Variants in PDE10A observed in about 807,000 individuals in gnomAD.
PDE10A encodes the protein phosphodiesterase 10A, also known as cAMP and cAMP-inhibited cGMP 3',5'-cyclic phosphodiesterase 10A.
Under a neutral mutation model 97.7 loss-of-function variants are expected in PDE10A, and 39 were observed. The observed-to-expected ratio is 0.40, with a 90% confidence interval of 0.31 to 0.52. PDE10A has a LOEUF of 0.52. PDE10A is among the 20% of genes least tolerant of loss of function. The probability of loss-of-function intolerance (pLI) is 0.56; values close to 1 mark genes in which losing one functional copy is unlikely to be tolerated. For synonymous variants in PDE10A, 371 were observed against 376.8 expected (o/e 0.98, Z 0.18); for missense variants, 731 against 1,047.8 (o/e 0.70, Z 4.17).
intron 1 of PDE10A, among the ~76,000 whole-genome samples, chr6:165,809,545 C>T (rs957911189): frequency 6.6e-6 from 1 of 152,166 alleles, no homozygotes; most frequent in African/African-American, 2.4e-5. Flanking sequence ...GCAAGGATGG[C>T]TTGATTGCCA....
At chr6:165,367,805 A>AAAAC (rs1554247641) in intron 18 of PDE10A, among the ~76,000 whole-genome samples, 28 of 151,562 alleles carry the variant, frequency 1.8e-4, no homozygotes, top group Admixed American at 1.8e-3. Context: ...AGATTAAAAA[A>AAAAC]AAACAAAAAC....
At chr6:165,834,266 A>C (rs1278870579) in intron 1 of PDE10A, among the ~76,000 whole-genome samples, 1 of 152,156 alleles carries the variant, frequency 6.6e-6, no homozygotes, top group African/African-American at 2.4e-5. Context: ...TGCTGGGTAG[A>C]CTAACAATCA....
chr6:165,372,904 G>C lies in PDE10A; in HGVS notation c.2783+6290C>G, dbSNP rs192811648. ...AGAAACAGATCAGTGGAACAGAAGA[G>C]AGCCCTCAGAAATAACGCTGCATAT... On this transcript the variant is annotated intron_variant, in intron 18 of 21. Transcript: ENST00000539869. Among the ~76,000 whole-genome samples, 953 of 152,014 alleles carry C rather than the reference G, an allele frequency of 6.3e-3. 9 individuals are homozygous for C. Among genetic ancestry groups the C allele is most frequent in the African/African-American group, 0.022 (912 of 41,402 alleles).
intron 1 of PDE10A, among the ~76,000 whole-genome samples, chr6:165,619,234 CTAGTGTGGTGT>C (rs1562634170): frequency 6.8e-5 from 6 of 88,632 alleles, no homozygotes; most frequent in African/African-American, 2.3e-4. Flanking sequence ...GTAGTGTAGA[CTAGTGTGGTGT>C]AGTGTAGTCT....
At chr6:165,474,535 C>T (rs907965188) in intron 3 of PDE10A, among the ~76,000 whole-genome samples, 4 of 152,114 alleles carry the variant, frequency 2.6e-5, no homozygotes, top group East Asian at 3.9e-4. Flanking sequence ...TAACTACCAT[C>T]GAGTATTATG....
chr6:165,943,268 AAGG>A (rs1783626927), intron 1 of PDE10A, among the ~76,000 whole-genome samples: 1 of 125,500 alleles, frequency 8.0e-6, no homozygotes, highest in Non-Finnish European at 1.7e-5. Flanking sequence ...GGAAGGAAGG[AAGG>A]AAGGAAAGAA....
intron 1 of PDE10A, among the ~76,000 whole-genome samples, chr6:165,616,095 T>C (rs1236676850): frequency 6.6e-6 from 1 of 152,172 alleles, no homozygotes; most frequent in East Asian, 1.9e-4. Flanking sequence ...CTTTTTCCTT[T>C]TCAAGTTCAC....
intron 1 of PDE10A, among the ~76,000 whole-genome samples, chr6:165,970,460 A>T (rs963680448): frequency 6.6e-6 from 1 of 152,174 alleles, no homozygotes; most frequent in Non-Finnish European, 1.5e-5. Flanking sequence ...AAAAATTTCT[A>T]CTGTACATGC....
intron 1 of PDE10A, among the ~76,000 whole-genome samples, chr6:165,725,332 G>T (rs879592276): frequency 6.6e-6 from 1 of 152,178 alleles, no homozygotes; most frequent in Admixed American, 6.5e-5. Context: ...CAAAAAGAGC[G>T]CCCTGTAACA....
chr6:165,823,762 C>T (rs1397858945), intron 1 of PDE10A, among the ~76,000 whole-genome samples: 2 of 151,730 alleles, frequency 1.3e-5, no homozygotes, highest in African/African-American at 2.4e-5. Context: ...AGTAATACAT[C>T]GCACTGTGAC....
At position 165,448,823 on chromosome 6, in the gene PDE10A, A is replaced by G. The variant is rs148527284; in HGVS notation, c.1194+105T>C. On this transcript the variant is annotated intron_variant, in intron 5 of 21. Transcript: ENST00000539869. ...TAGAAACAAAACACAAAATGATTTA[A>G]ATGAAAAGTACTTAATCATGAAATG... 1.2e-4 allele frequency: 87 copies of G among 707,284 alleles called. No homozygotes were observed. The East Asian group carries it at 2.2e-3, about 18-fold the overall frequency. The allele number at this position is 707,284 out of a possible 1,614,324, so 43.8% of individuals were successfully genotyped here.
chr6:165,339,161 G>T, intron 20 of PDE10A, 117 bp downstream of exon 20: 1 of 759,258 alleles, frequency 1.3e-6, no homozygotes, highest in Non-Finnish European at 2.4e-6. Context: ...GATCTGCCTG[G>T]AATAACCCAT....
intron 1 of PDE10A, among the ~76,000 whole-genome samples, chr6:165,909,925 A>G (rs771301883): frequency 6.6e-6 from 1 of 151,866 alleles, no homozygotes. Context: ...TTTCTCTACA[A>G]AGCCCTCTCC....
chr6:165,475,301 G>A (rs1042732045), intron 3 of PDE10A, among the ~76,000 whole-genome samples: 1 of 152,062 alleles, frequency 6.6e-6, no homozygotes, highest in Non-Finnish European at 1.5e-5. Context: ...TTTCTTAAAT[G>A]CATTAACAGA....
chr6:165,659,876 T>G (rs1484086299), intron 1 of PDE10A, among the ~76,000 whole-genome samples: 6 of 151,992 alleles, frequency 3.9e-5, no homozygotes. Flanking sequence ...CTCCACAACA[T>G]CCAGCAGGGC....
chr6:165,778,743 T>G (rs1290988308), intron 1 of PDE10A, among the ~76,000 whole-genome samples: 1 of 152,236 alleles, frequency 6.6e-6, no homozygotes, highest in Non-Finnish European at 1.5e-5. Flanking sequence ...TAGTTTAAAC[T>G]TATGTTTTTA....
At chr6:165,377,872 T>C (rs931779367) in intron 18 of PDE10A, among the ~76,000 whole-genome samples, 2 of 152,228 alleles carry the variant, frequency 1.3e-5, no homozygotes, top group African/African-American at 2.4e-5. Context: ...AACACCCTAA[T>C]TGATGTTTAG....
At chr6:165,761,447 C>G (rs186201592) in intron 1 of PDE10A, among the ~76,000 whole-genome samples, 1 of 152,044 alleles carries the variant, frequency 6.6e-6, no homozygotes, top group South Asian at 2.1e-4. Context: ...CCCCTCCATG[C>G]GGGTCACCCA....
intron 1 of PDE10A, among the ~76,000 whole-genome samples, chr6:165,778,704 T>A (rs1241071604): frequency 6.6e-6 from 1 of 152,254 alleles, no homozygotes; most frequent in Non-Finnish European, 1.5e-5. Flanking sequence ...ATTATCTATA[T>A]CCTCACCAAC....
Sources: allele counts gnomAD v4.1 joint callset (sites outside exome capture counted in the v4.1 genomes callset), GRCh38; gene constraint gnomAD v4.1.1; transcripts MANE v1.5; gene names NCBI Gene and HGNC (gene_info 2026-07-23, HGNC 2026-07-21).